The following NOX3 variants were observed in gnomAD, a reference collection of about 807,000 sequenced individuals.
NOX3 encodes NADPH oxidase 3.
NOX3 carries 74 observed loss-of-function variants against 76.7 expected under a neutral mutation model. That is an observed-to-expected ratio of 0.96 (90% CI 0.80 to 1.17). NOX3 has a LOEUF of 1.17. Among genes scored for constraint, NOX3 ranks in the 50% most tolerant of loss-of-function variants. The pLI, the probability that NOX3 is intolerant of heterozygous loss-of-function variation, is 0.00. For missense variants in NOX3, 695 were observed against 703.3 expected (o/e 0.99, Z 0.13); for synonymous variants, 263 against 261.1 (o/e 1.01, Z -0.07).
chr6:155,438,006 G>C (rs1370133265), intron 6 of NOX3, among the ~76,000 whole-genome samples: 1 of 152,200 alleles, frequency 6.6e-6, no homozygotes, highest in Non-Finnish European at 1.5e-5. Flanking sequence ...CTTATGAGAT[G>C]TTATTTGGAT....
In NOX3 at chr6:155,428,906, G is replaced by C. The variant is rs79326507; in HGVS notation, c.1033C>G (p.Gln345Glu). The change falls in exon 9 of 14, where the codon CAG (glutamine) becomes GAG (glutamate). Residue 345 changes from glutamine to glutamate, a missense_variant. By Grantham distance (29) the Gln-to-Glu change is conservative. Transcript: ENST00000159060. ...ATGTGCACGCTGAAAAAGTCCTCCT[G>C]GGGGGCAGAGGTAAGGGTGAAGGGG... ...WHPFTLTSAP[Q>E]EDFFSVHIRA... The C allele has an allele frequency of 1.9e-6, 3 of 1,613,168 alleles. No individual in the cohort carries two copies. Among genetic ancestry groups the C allele is most frequent in the Non-Finnish European group, 2.5e-6 (3 of 1,179,488 alleles).
chr6:155,422,224 G>C (rs1163082797), intron 10 of NOX3, among the ~76,000 whole-genome samples: 2 of 152,118 alleles, frequency 1.3e-5, no homozygotes, highest in South Asian at 4.1e-4. Flanking sequence ...AATGACAAAA[G>C]GGAGATTCAG....
At chr6:155,408,568 G>A (rs1776494791) in intron 11 of NOX3, among the ~76,000 whole-genome samples, 1 of 152,082 alleles carries the variant, frequency 6.6e-6, no homozygotes, top group Admixed American at 6.6e-5. Context: ...AGGTTCAGCT[G>A]AAAATAGTGG....
intron 13 of NOX3, among the ~76,000 whole-genome samples, chr6:155,396,333 G>A (rs1021277308): frequency 2.0e-5 from 3 of 152,188 alleles, no homozygotes; most frequent in African/African-American, 4.8e-5. Context: ...TGGATATAAG[G>A]TGGGTGTCTC....
intron 10 of NOX3, 24 bp downstream of exon 10, chr6:155,422,670 G>T: frequency 3.7e-6 from 6 of 1,610,300 alleles, no homozygotes; most frequent in South Asian, 1.1e-5. Flanking sequence ...TCCATGGAAG[G>T]GTGAACTAAT....
At chr6:155,435,279 G>A (rs886512707) in intron 7 of NOX3, among the ~76,000 whole-genome samples, 1 of 152,058 alleles carries the variant, frequency 6.6e-6, no homozygotes, top group African/African-American at 2.4e-5. Context: ...ATGAGGTGTG[G>A]GGGAGTATTG....
At chr6:155,437,856 C>T (rs1254207070) in intron 6 of NOX3, among the ~76,000 whole-genome samples, 1 of 152,228 alleles carries the variant, frequency 6.6e-6, no homozygotes, top group Non-Finnish European at 1.5e-5. Flanking sequence ...ATCCTACTTT[C>T]ACTTGGCACT....
At chr6:155,434,941 C>T (rs1776882201) in intron 7 of NOX3, among the ~76,000 whole-genome samples, 1 of 152,110 alleles carries the variant, frequency 6.6e-6, no homozygotes, top group Non-Finnish European at 1.5e-5. Flanking sequence ...TTAAGAGAGG[C>T]AAGGGAAGAG....
At chr6:155,447,679 C>G (rs1026580608) in intron 4 of NOX3, among the ~76,000 whole-genome samples, 2 of 152,206 alleles carry the variant, frequency 1.3e-5, no homozygotes, top group African/African-American at 4.8e-5. Context: ...TTTTCTTTCA[C>G]AAGGTAGAAC....
intron 10 of NOX3, among the ~76,000 whole-genome samples, chr6:155,411,923 G>A (rs886207278): frequency 2.6e-5 from 4 of 152,118 alleles, no homozygotes; most frequent in Admixed American, 1.3e-4. Flanking sequence ...GTGGGTGGCG[G>A]CTGTGCCTGT....
intron 11 of NOX3, among the ~76,000 whole-genome samples, chr6:155,410,085 T>C (rs1776521373): frequency 6.6e-6 from 1 of 152,226 alleles, no homozygotes; most frequent in Non-Finnish European, 1.5e-5. Flanking sequence ...GGAAAGTGTT[T>C]GTTTGGAAAA....
At chr6:155,436,728 C>T (rs1776909931) in intron 6 of NOX3, among the ~76,000 whole-genome samples, 181 bp from the exon 7 acceptor site, 1 of 152,136 alleles carries the variant, frequency 6.6e-6, no homozygotes, top group South Asian at 2.1e-4. Context: ...ATTTAAGAAG[C>T]TTCGAGTAAC....
chr6:155,404,620 T>C (rs1167045096), intron 12 of NOX3, among the ~76,000 whole-genome samples: 2 of 152,140 alleles, frequency 1.3e-5, no homozygotes, highest in African/African-American at 2.4e-5. Context: ...AACCCTATGC[T>C]CAAAGTGATG....
chr6:155,422,020 GC>G (rs1776695682), intron 10 of NOX3, among the ~76,000 whole-genome samples: 2 of 152,148 alleles, frequency 1.3e-5, no homozygotes, highest in South Asian at 4.1e-4. Flanking sequence ...ATGCAGGACG[GC>G]CCAGCACCAA....
intron 12 of NOX3, among the ~76,000 whole-genome samples, chr6:155,401,352 A>G (rs1014335217): frequency 1.3e-5 from 2 of 152,192 alleles, no homozygotes; most frequent in Non-Finnish European, 2.9e-5. Context: ...ATGAAGCTGT[A>G]ACTTATCATG....
chr6:155,441,327 G>C (rs1776983133), intron 5 of NOX3, among the ~76,000 whole-genome samples: 1 of 152,124 alleles, frequency 6.6e-6, no homozygotes, highest in Non-Finnish European at 1.5e-5. Flanking sequence ...AGAGCAAAGA[G>C]TGGAAATAAA....
At chr6:155,432,674 G>A (rs559902096) in intron 7 of NOX3, among the ~76,000 whole-genome samples, 1 of 152,136 alleles carries the variant, frequency 6.6e-6, no homozygotes, top group Admixed American at 6.5e-5. Flanking sequence ...TCCTGGGGGG[G>A]CTCTTGGCCT....
At chr6:155,432,206 T>A (rs1776843622) in intron 7 of NOX3, among the ~76,000 whole-genome samples, 1 of 152,096 alleles carries the variant, frequency 6.6e-6, no homozygotes, top group African/African-American at 2.4e-5. Context: ...TTTCTTTGTA[T>A]TGGGAACATT....
intron 7 of NOX3, 118 bp downstream of exon 7, chr6:155,436,300 A>T (rs1007052939): frequency 1.7e-6 from 2 of 1,146,240 alleles, no homozygotes; most frequent in Non-Finnish European, 2.6e-6. Flanking sequence ...TAGCACACTT[A>T]ATAAAGAGTT....
Sources: gnomAD v4.1 joint callset for allele counts (sites outside exome capture counted in the v4.1 genomes callset) on GRCh38, gnomAD v4.1.1 for gene constraint, MANE v1.5 for transcripts, NCBI Gene and HGNC (gene_info 2026-07-23, HGNC 2026-07-21) for gene names.